Variants in ATP8A1 observed in about 807,000 individuals in gnomAD.
ATP8A1 encodes phospholipid-transporting ATPase IA.
In ATP8A1, 90 loss-of-function variants were observed where a neutral mutation model predicts 177.7. The observed-to-expected ratio is 0.51, with a 90% CI of 0.43 to 0.60. The LOEUF is 0.60. Ranked by LOEUF, ATP8A1 falls within the 20% of genes least tolerant of loss-of-function variation. The pLI is 0.00. For missense variants in ATP8A1, 1,072 were observed against 1,392.8 expected (o/e 0.77, Z 3.67); for synonymous variants, 493 against 485.9 (o/e 1.01, Z -0.19).
chr4:42,446,782 AACAACCCC>A, intron 30 of ATP8A1, 138 bp from the exon 31 acceptor site: 1 of 686,744 alleles, frequency 1.5e-6, no homozygotes, highest in Non-Finnish European at 2.4e-6. Context: ...TAAAAAAAAA[AACAACCCC>A]AAACACTCTT....
At chr4:42,443,146 C>T (rs1028365393) in intron 33 of ATP8A1, among the ~76,000 whole-genome samples, 2 of 152,244 alleles carry the variant, frequency 1.3e-5, no homozygotes, top group South Asian at 2.1e-4. Flanking sequence ...AATCTAGTGA[C>T]AGCAGATTTT....
intron 5 of ATP8A1, among the ~76,000 whole-genome samples, chr4:42,604,859 T>C (rs1050396694): frequency 3.9e-5 from 6 of 152,166 alleles, no homozygotes; most frequent in African/African-American, 1.4e-4. Context: ...ATAATTTAAG[T>C]GTGGATACAA....
At chr4:42,617,934 T>C (rs1737079800) in intron 4 of ATP8A1, among the ~76,000 whole-genome samples, 1 of 152,212 alleles carries the variant, frequency 6.6e-6, no homozygotes, top group Non-Finnish European at 1.5e-5. Flanking sequence ...AACTTTTGTG[T>C]CTTGATAAGA....
chr4:42,468,497 A>G (rs991245622), intron 25 of ATP8A1, among the ~76,000 whole-genome samples: 1 of 152,122 alleles, frequency 6.6e-6, no homozygotes, highest in Non-Finnish European at 1.5e-5. Context: ...ATACTACTCA[A>G]CCATAAAAGG....
intron 25 of ATP8A1, chr4:42,472,339 G>A: frequency 2.3e-6 from 1 of 438,246 alleles, no homozygotes; most frequent in South Asian, 1.9e-5. Flanking sequence ...GCAGCTCACA[G>A]GCGAGGATGT....
At chr4:42,469,615 T>A (rs576175079) in intron 25 of ATP8A1, among the ~76,000 whole-genome samples, 2 of 152,326 alleles carry the variant, frequency 1.3e-5, no homozygotes, top group East Asian at 3.9e-4. Flanking sequence ...GAAATCAACA[T>A]GGGCTTTAAG....
chr4:42,412,920 C>T lies in ATP8A1; in HGVS notation c.3491G>A (p.Trp1164Ter). Reference sequence around the variant, plus strand: ...CTGCCTTTCAGGCTCTCCCCATCACCATTCGTCGGGCCTCTGTTTCGTGGT... The same window carrying T: ...CTGCCTTTCAGGCTCTCCCCATCACTATTCGTCGGGCCTCTGTTTCGTGGT... Reference protein sequence around the residue: ...YDTTKQRPDEW With the variant: ...YDTTKQRPDE The change falls in exon 37 of 37, where the codon TGG becomes TAG. Residue 1164 changes from tryptophan (W) to a stop codon, truncating the protein, a stop_gained. Coordinates refer to ENST00000381668, the MANE Select transcript of ATP8A1 (RefSeq NM_006095.2). LOFTEE classifies it high-confidence loss of function. 1.9e-6 allele frequency: 3 copies of T among 1,613,252 alleles called. No homozygotes were observed. The highest frequency in any genetic ancestry group is 2.5e-6 in the Non-Finnish European group (3 of 1,179,420).
At chr4:42,438,037 T>C (rs758014172) in intron 33 of ATP8A1, among the ~76,000 whole-genome samples, 1 of 146,636 alleles carries the variant, frequency 6.8e-6, no homozygotes, top group African/African-American at 2.5e-5. Flanking sequence ...AGTACTTCGA[T>C]GGGTGGCACT....
chr4:42,629,033 A>G (rs1019552359), intron 1 of ATP8A1, among the ~76,000 whole-genome samples: 2 of 152,212 alleles, frequency 1.3e-5, no homozygotes, highest in African/African-American at 2.4e-5. Context: ...CTGGGAGAGC[A>G]CTGGATATTG....
At chr4:42,616,225 T>TGGA (rs1156538082) in intron 4 of ATP8A1, 147 bp from the exon 5 acceptor site, 1 of 668,454 alleles carries the variant, frequency 1.5e-6, no homozygotes, top group African/African-American at 1.8e-5. Context: ...TATACATTGA[T>TGGA]GGAGGAGTGG....
At chr4:42,424,086 A>C (rs1436375786) in intron 33 of ATP8A1, among the ~76,000 whole-genome samples, 1 of 152,158 alleles carries the variant, frequency 6.6e-6, no homozygotes, top group Non-Finnish European at 1.5e-5. Flanking sequence ...TTTTTGGCTA[A>C]CATTAGGTAG....
At chr4:42,616,483 T>C (rs11721822) in intron 4 of ATP8A1, among the ~76,000 whole-genome samples, 34,381 of 152,202 alleles carry the variant, frequency 0.23, 4,351 homozygotes, top group Non-Finnish European at 0.29. Flanking sequence ...AACTACTGTT[T>C]AATAATAGTA....
intron 5 of ATP8A1, among the ~76,000 whole-genome samples, chr4:42,613,811 T>C (rs1736619941): frequency 6.6e-6 from 1 of 152,144 alleles, no homozygotes; most frequent in Non-Finnish European, 1.5e-5. Flanking sequence ...CTTGAACTCC[T>C]GACCTCTGGC....
chr4:42,589,257 T>C (rs1372325314), intron 7 of ATP8A1, among the ~76,000 whole-genome samples: 1 of 152,224 alleles, frequency 6.6e-6, no homozygotes, highest in African/African-American at 2.4e-5. Context: ...CTAATCTAAT[T>C]AATGCTTGGT....
At chr4:42,422,138 C>T (rs9998504) in intron 35 of ATP8A1, among the ~76,000 whole-genome samples, 56,896 of 151,564 alleles carry the variant, frequency 0.38, 10,920 homozygotes, top group African/African-American at 0.45. Flanking sequence ...GTTGCCCAGG[C>T]TGGAGTGCAG....
At chr4:42,519,851 A>C (rs187994328) in intron 22 of ATP8A1, among the ~76,000 whole-genome samples, 160 of 152,334 alleles carry the variant, frequency 1.1e-3, no homozygotes, top group African/African-American at 3.6e-3. Flanking sequence ...GGTAAAAAAC[A>C]GTCATAAGGG....
chr4:42,535,191 CACCA>C (rs1364317927), intron 20 of ATP8A1, among the ~76,000 whole-genome samples: 1 of 151,976 alleles, frequency 6.6e-6, no homozygotes, highest in Non-Finnish European at 1.5e-5. Flanking sequence ...GATAAGAATT[CACCA>C]ACCAAGTATC....
intron 25 of ATP8A1, among the ~76,000 whole-genome samples, chr4:42,479,469 A>C (rs1721430323): frequency 6.6e-6 from 1 of 152,224 alleles, no homozygotes; most frequent in Admixed American, 6.5e-5. Context: ...TTTCCCACAC[A>C]ATGAGGTCAG....
At chr4:42,477,806 T>TA (rs752928528) in intron 25 of ATP8A1, among the ~76,000 whole-genome samples, 5,959 of 102,962 alleles carry the variant, frequency 0.058, 444 homozygotes, top group African/African-American at 0.18. Context: ...ACCCTGTCTC[T>TA]AAAAAAAAAA....
Sources: gnomAD v4.1 joint callset for allele counts (sites outside exome capture counted in the v4.1 genomes callset) on GRCh38, gnomAD v4.1.1 for gene constraint, MANE v1.5 for transcripts, NCBI Gene and HGNC (gene_info 2026-07-23, HGNC 2026-07-21) for gene names.